The following FER variants were observed in gnomAD, a reference collection of about 807,000 sequenced individuals.
FER encodes the protein tyrosine-protein kinase Fer.
In FER, 63 loss-of-function variants were observed where a neutral mutation model predicts 111.0. The ratio of observed to expected loss-of-function variants is 0.57; its 90% CI spans 0.46 to 0.70. The LOEUF (loss-of-function observed/expected upper bound fraction) is 0.70. FER is among the 30% of genes least tolerant of loss of function. The probability of loss-of-function intolerance (pLI) is 0.00; values close to 1 mark genes in which losing one functional copy is unlikely to be tolerated. For synonymous variants in FER, 327 were observed against 313.9 expected (o/e 1.04, Z -0.44); for missense variants, 914 against 954.0 (o/e 0.96, Z 0.55).
At position 108,763,217 on chromosome 5, in the gene FER, T is replaced by G. The variant is rs77298662; in HGVS notation, c.-205-4876T>G. Among the ~76,000 whole-genome samples the G allele has an allele frequency of 3.0e-3, 459 of 152,312 alleles. 2 individuals are homozygous for G. The highest frequency in any genetic ancestry group is 9.8e-3 in the African/African-American group (409 of 41,568). ...TTAACTCTGAAACTCTGAAGGGACT[T>G]AGAATACCCTGTTTGCAAACAAGCA... is the stretch of plus-strand genomic sequence containing the variant. On this transcript the variant is annotated intron_variant, in intron 1 of 19. Coordinates refer to ENST00000281092, the MANE Select transcript of FER (RefSeq NM_005246.4).
At chr5:108,928,014 T>G (rs1754025505) in intron 10 of FER, among the ~76,000 whole-genome samples, 1 of 152,194 alleles carries the variant, frequency 6.6e-6, no homozygotes, top group Admixed American at 6.5e-5. Flanking sequence ...TAGGTTAATT[T>G]TAGACATATT....
intron 3 of FER, among the ~76,000 whole-genome samples, chr5:108,800,987 C>G (rs1487652494): frequency 6.6e-6 from 1 of 152,168 alleles, no homozygotes; most frequent in Non-Finnish European, 1.5e-5. Context: ...GCGGAGCTTG[C>G]AGTGAGCCGA....
At position 109,085,541 on chromosome 5, in the gene FER, A is replaced by AT. The variant is rs1350921442; in HGVS notation, c.1925-14848dup. Among the ~76,000 whole-genome samples the AT allele has an allele frequency of 3.4e-5, 5 of 147,240 alleles. 1 individual carries two copies. Among genetic ancestry groups the AT allele is most frequent in the South Asian group, 4.3e-4 (2 of 4,684 alleles). On this transcript the variant is annotated intron_variant, in intron 16 of 19. Transcript: ENST00000281092. ...GATTTTACTTCTTTCTTATTTTTCC[A>AT]TTTTTTTCTGAATTATAGCACTGGG...
intron 1 of FER, among the ~76,000 whole-genome samples, chr5:108,766,071 A>G (rs1752288087): frequency 6.6e-6 from 1 of 152,028 alleles, no homozygotes; most frequent in Admixed American, 6.6e-5. Flanking sequence ...CAGGGACTAC[A>G]GGTACATGCC....
At chr5:109,017,213 G>A (rs932382207) in intron 13 of FER, among the ~76,000 whole-genome samples, 1 of 151,932 alleles carries the variant, frequency 6.6e-6, no homozygotes, top group Non-Finnish European at 1.5e-5. Context: ...TGAGAGGATT[G>A]CAGGGCTAAT....
chr5:108,757,874 C>T (rs1751294359), intron 1 of FER, among the ~76,000 whole-genome samples: 1 of 152,134 alleles, frequency 6.6e-6, no homozygotes, highest in South Asian at 2.1e-4. Context: ...GGAGCTAGAC[C>T]TTACCTTGGT....
intron 16 of FER, among the ~76,000 whole-genome samples, chr5:109,065,585 G>C (rs1288735008): frequency 6.6e-6 from 1 of 152,130 alleles, no homozygotes; most frequent in South Asian, 2.1e-4. Flanking sequence ...AGCTGAGCTT[G>C]GTGGCTCATC....
At chr5:109,028,800 TTCTG>T (rs772071842) in intron 13 of FER, among the ~76,000 whole-genome samples, 1 of 152,200 alleles carries the variant, frequency 6.6e-6, no homozygotes, top group African/African-American at 2.4e-5. Flanking sequence ...GGCTAAGTCT[TTCTG>T]TCTACAAACT....
Position 108,817,103 on chromosome 5 carries a change from C to CAAAAAAAAAAA in FER, c.208-15643_208-15633dup. On this transcript the variant is annotated intron_variant, in intron 3 of 19. Coordinates refer to ENST00000281092, the MANE Select transcript of FER (RefSeq NM_005246.4). ...TGGGCAACAGAGCAAGACACTGTCT[C>CAAAAAAAAAAA]AAAAAAAAAAAAAAAAAAAAAAAAA... Among the ~76,000 whole-genome samples the CAAAAAAAAAAA allele has an allele frequency of 7.8e-4, 46 of 59,200 alleles. 6 individuals carry two copies. The highest frequency in any genetic ancestry group is 1.8e-3 in the South Asian group (2 of 1,110). 38.8% of individuals were successfully genotyped at this position (59,200 alleles called of 152,430 possible). A position where few individuals can be genotyped will look rare whatever the true frequency, so the allele number is the denominator to read the frequency against.
chr5:108,761,473 A>C (rs187068056), intron 1 of FER, among the ~76,000 whole-genome samples: 1 of 152,120 alleles, frequency 6.6e-6, no homozygotes, highest in Admixed American at 6.6e-5. Flanking sequence ...GTTCACCGTT[A>C]TATATGAGTG....
At chr5:108,975,082 A>G (rs1319502889) in intron 13 of FER, among the ~76,000 whole-genome samples, 1 of 152,224 alleles carries the variant, frequency 6.6e-6, no homozygotes, top group Admixed American at 6.5e-5. Flanking sequence ...ATAAAAAAGA[A>G]TAAGTTCATG....
At position 108,870,913 on chromosome 5, in the gene FER, A is replaced by G. The variant is rs903175653; in HGVS notation, c.666-452A>G. Among the ~76,000 whole-genome samples, 11 of 152,230 alleles carry G rather than the reference A, an allele frequency of 7.2e-5. No individual in the cohort carries two copies. In the East Asian group the frequency reaches 2.1e-3, roughly 29 times the overall value. On this transcript the variant is annotated intron_variant, in intron 6 of 19. Transcript: ENST00000281092. Reference sequence around the variant, plus strand: ...GTATAGAACCAGTTCAACTAAGTATACAAAAAAGAGCAGAGGCCCAGAGGA... The same window carrying G: ...GTATAGAACCAGTTCAACTAAGTATGCAAAAAAGAGCAGAGGCCCAGAGGA...
intron 13 of FER, among the ~76,000 whole-genome samples, chr5:109,005,663 C>T (rs1427993965): frequency 6.6e-6 from 1 of 152,108 alleles, no homozygotes; most frequent in Non-Finnish European, 1.5e-5. Context: ...GCTAGGGAAC[C>T]TTTAGGTAAC....
intron 10 of FER, among the ~76,000 whole-genome samples, chr5:108,907,850 C>G (rs1318996129): frequency 2.7e-5 from 4 of 148,574 alleles, no homozygotes; most frequent in African/African-American, 9.9e-5. Flanking sequence ...ATTTTTTTTT[C>G]TTTTGTCATG....
intron 13 of FER, among the ~76,000 whole-genome samples, chr5:109,016,946 T>G (rs1767223289): frequency 6.6e-6 from 1 of 151,976 alleles, no homozygotes; most frequent in South Asian, 2.1e-4. Context: ...CCTGTGAATA[T>G]GCCTAGGAAA....
At chr5:108,899,318 G>A (rs1289051793) in intron 10 of FER, among the ~76,000 whole-genome samples, 1 of 152,118 alleles carries the variant, frequency 6.6e-6, no homozygotes, top group Non-Finnish European at 1.5e-5. Flanking sequence ...CATGTACCAA[G>A]GACCCTATTA....
chr5:108,931,528 T>TCTAAA (rs1754674657), intron 10 of FER, among the ~76,000 whole-genome samples: 1 of 152,194 alleles, frequency 6.6e-6, no homozygotes, highest in African/African-American at 2.4e-5. Context: ...TATTGCATAG[T>TCTAAA]TTTCATTCAT....
At chr5:109,057,840 A>G (rs993948495) in intron 16 of FER, among the ~76,000 whole-genome samples, 6 of 152,212 alleles carry the variant, frequency 3.9e-5, no homozygotes, top group African/African-American at 1.4e-4. Context: ...CCCACTGAAA[A>G]AGTTGAAATT....
At position 109,187,458 on chromosome 5, in the gene FER, C is replaced by G; in HGVS notation, c.2352C>G (p.His784Gln). Residue 784 changes from histidine (H) to glutamine (Q), a missense_variant, in exon 20 of 20, where the codon CAC becomes CAG. Physicochemically the swap from His to Gln is conservative, Grantham distance 24. Transcript: ENST00000281092. ...GATACCGGATGTCAGCTCCCCAGCACTGTCCAGAGGATATTTCCAAAATCA... is the reference window on the plus strand; with the variant it reads ...GATACCGGATGTCAGCTCCCCAGCAGTGTCCAGAGGATATTTCCAAAATCA... ...ERGYRMSAPQ[H>Q]CPEDISKIMM... is the part of the protein sequence containing the mutation. The G allele has an allele frequency of 6.2e-7, 1 of 1,614,066 alleles. No homozygotes were observed. Among genetic ancestry groups the G allele is most frequent in the Non-Finnish European group, 8.5e-7 (1 of 1,179,946 alleles).
Sources: allele counts gnomAD v4.1 joint callset (sites outside exome capture counted in the v4.1 genomes callset), GRCh38; gene constraint gnomAD v4.1.1; transcripts MANE v1.5; gene names NCBI Gene and HGNC (gene_info 2026-07-23, HGNC 2026-07-21).